The following LRRC41 variants were observed in gnomAD, a reference collection of about 807,000 sequenced individuals.
LRRC41 encodes leucine rich repeat containing 41, also known as leucine-rich repeat-containing protein 41.
In LRRC41, 17 loss-of-function variants were observed where a neutral mutation model predicts 72.1. The ratio of observed to expected loss-of-function variants is 0.24; its 90% confidence interval spans 0.16 to 0.35. LRRC41 has a LOEUF of 0.35. Ranked by LOEUF, LRRC41 falls within the 10% of genes least tolerant of loss-of-function variation. LRRC41 has a pLI of 1.00. For synonymous variants in LRRC41, 427 were observed against 431.0 expected, an observed-to-expected ratio of 0.99 and a Z score of 0.11; for missense variants, 759 against 1,065.0, an observed-to-expected ratio of 0.71 and a Z score of 4.00.
At chr1:46,294,139 A>C (rs1661073299) in intron 3 of LRRC41, among the ~76,000 whole-genome samples, 1 of 151,552 alleles carries the variant, frequency 6.6e-6, no homozygotes, top group Admixed American at 6.6e-5. Context: ...TTTTAAGACA[A>C]GTTCTGGCTC....
Position 46,281,169 on chromosome 1 carries a change from T to G in LRRC41, c.1712A>C (p.Asn571Thr). Residue 571 changes from asparagine to threonine, a missense_variant, in exon 5 of 10, where the codon AAT becomes ACT. Physicochemically the swap from Asn to Thr is moderately conservative, Grantham distance 65. This residue lies in a region of LRRC41 where 427 missense variants were observed against 520.9 expected (regional missense o/e 0.82). Transcript: ENST00000617190. ...SQRDNPGVPG[N>T]AGPPSHIIGD... ...TATTATGTGGCTAGGGGGCCCTGCA[T>G]TCCCTGGCACACCAGGGTTGTCCCG... is the stretch of plus-strand genomic sequence containing the variant. The G allele has an allele frequency of 1.1e-5, 18 of 1,614,136 alleles. No homozygotes were observed. The highest frequency in any genetic ancestry group is 1.5e-5 in the Non-Finnish European group (18 of 1,179,970).
chr1:46,301,938 C>G (rs543288534), intron 1 of LRRC41: 3 of 984,906 alleles, frequency 3.0e-6, no homozygotes, highest in Non-Finnish European at 3.6e-6. Context: ...CCCGAGGCCT[C>G]CCCTGTCCCC....
Position 46,299,247 on chromosome 1 carries a change from AG to A in LRRC41, c.200-878del, listed in dbSNP as rs1278962607. ...AATTATTTAAGCCTCTTTAAGCCTTAGTTTCTTCAACTGGAAAAAAATGGAG... is the reference window on the plus strand; with the variant it reads ...AATTATTTAAGCCTCTTTAAGCCTTATTTCTTCAACTGGAAAAAAATGGAG... On this transcript the variant is annotated intron_variant, in intron 1 of 9. Transcript: ENST00000617190. 5 of 152,484 alleles carry A rather than the reference AG, an allele frequency of 3.3e-5. No individual in the cohort carries two copies. In the East Asian group the frequency reaches 9.7e-4, roughly 29 times the overall value. The allele number at this position is 152,484 out of a possible 1,614,324, so 9.4% of individuals were successfully genotyped here.
At position 46,285,880 on chromosome 1, in the gene LRRC41, C is replaced by A; in HGVS notation, c.977G>T (p.Ser326Ile). 6.4e-7 allele frequency: 1 copy of A among 1,564,792 alleles called. No homozygotes were observed. The change falls in exon 4 of 10, where the codon AGC becomes ATC. Residue 326 changes from serine to isoleucine, a missense_variant. Physicochemically the swap from Ser to Ile is moderately radical, Grantham distance 142. Transcript: ENST00000617190. The surrounding 1 kb of genome is among the most constrained non-coding windows in gnomAD (Gnocchi z 5.3). ...GCCTGCTGTCAGGCTCTCCTGTGTG[C>A]TCCGGCGTGTTACCCGAGTGGCAGG... ...AAPATRVTRR[S>I]TQESLTAGGT...
At position 46,286,087 on chromosome 1, in the gene LRRC41, C is replaced by T. The variant is rs1191907196; in HGVS notation, c.770G>A (p.Gly257Glu). 3 of 1,611,548 alleles carry T rather than the reference C, an allele frequency of 1.9e-6. No homozygotes were observed. Among genetic ancestry groups the T allele is most frequent in the Non-Finnish European group, 2.5e-6 (3 of 1,177,852 alleles). Reference protein sequence around the residue: ...LTMSAGFWQPGPGGPPCRLCG... With the variant: ...LTMSAGFWQPEPGGPPCRLCG... The stretch of plus-strand genomic sequence containing the variant: ...GAGGCGGCAGGGTGGGCCACCAGGC[C>T]CTGGTTGCCAGAAGCCAGCACTCAT... Residue 257 changes from glycine to glutamate, a missense_variant, in exon 4 of 10, where the codon GGG (glycine) becomes GAG (glutamate). By Grantham distance (98) the Gly-to-Glu change is moderately conservative. Transcript: ENST00000617190. This position sits in a 1 kb window ranked among gnomAD's most constrained non-coding sequence, Gnocchi z 5.5.
intron 3 of LRRC41, among the ~76,000 whole-genome samples, chr1:46,290,919 T>TTTTTTTG (rs1660999416): frequency 9.7e-6 from 1 of 103,576 alleles, no homozygotes; most frequent in Non-Finnish European, 2.1e-5. Context: ...GTTTCTAGTT[T>TTTTTTTG]TTTTTTTTTT....
At chr1:46,292,110 T>TC (rs1426619297) in intron 3 of LRRC41, among the ~76,000 whole-genome samples, 1 of 151,652 alleles carries the variant, frequency 6.6e-6, no homozygotes, top group Non-Finnish European at 1.5e-5. Context: ...TGTCAGGAGT[T>TC]CGAGACCAGC....
At chr1:46,280,097 A>C in intron 7 of LRRC41, 95 bp downstream of exon 7, 1 of 945,918 alleles carries the variant, frequency 1.1e-6, no homozygotes. Flanking sequence ...CTGAGGACAC[A>C]AGGCCAAGAA....
chr1:46,302,810 TCGCGCGG>T lies in LRRC41; in HGVS notation c.199+307_199+313del. 13 of 984,642 alleles carry T rather than the reference TCGCGCGG, an allele frequency of 1.3e-5. No homozygotes were observed. The highest frequency in any genetic ancestry group is 1.6e-5 in the Non-Finnish European group (13 of 829,726). The allele number at this position is 984,642 out of a possible 1,614,324, so 61.0% of individuals were successfully genotyped here. On this transcript the variant is annotated intron_variant, in intron 1 of 9. Coordinates refer to ENST00000617190, the MANE Select transcript of LRRC41 (RefSeq NM_006369.5). The surrounding 1 kb of genome is among the most constrained non-coding windows in gnomAD (Gnocchi z 4.7). ...CTGCCCGGCCCAGCCGAGTGTCAGT[TCGCGCGG>T]CCCACAGCCGCAATCCAGCCTCAGT...
intron 2 of LRRC41, 103 bp from the exon 3 acceptor site, chr1:46,297,736 G>T (rs145093191): frequency 1.2e-6 from 1 of 803,200 alleles, no homozygotes; most frequent in African/African-American, 1.7e-5. Flanking sequence ...ATATGGCAGA[G>T]TGATTAAGGG....
chr1:46,301,859 G>C, intron 1 of LRRC41: 1 of 725,616 alleles, frequency 1.4e-6, no homozygotes, highest in Non-Finnish European at 1.7e-6. Flanking sequence ...GGCCGGGCCT[G>C]CCACCTCTTC....
chr1:46,301,025 A>AG lies in LRRC41; in HGVS notation c.199+2098dup, dbSNP rs1661210981. Among the ~76,000 whole-genome samples, 2 of 152,124 alleles carry AG rather than the reference A, an allele frequency of 1.3e-5. 1 individual carries two copies. Among genetic ancestry groups the AG allele is most frequent in the South Asian group, 4.1e-4 (2 of 4,832 alleles). ...GTACAGCAGTGGTAGGGGAGGGAGAAGGGGAAAGGGAGATTCAGTAAACTG... is the reference window on the plus strand; with the variant it reads ...GTACAGCAGTGGTAGGGGAGGGAGAAGGGGGAAAGGGAGATTCAGTAAACTG... On this transcript the variant is annotated intron_variant, in intron 1 of 9. Coordinates refer to ENST00000617190, the MANE Select transcript of LRRC41 (RefSeq NM_006369.5).
rs902532549 is a variant in LRRC41, at chr1:46,281,384, G to A, written c.1497C>T (p.Gly499=). 3.1e-6 allele frequency: 5 copies of A among 1,613,898 alleles called. No homozygotes were observed. The highest frequency in any genetic ancestry group is 1.7e-5 in the Admixed American group (1 of 60,006). ...GCAGGCGGAAGATGTTAGAGCCCAG[G>A]CCTATGGCAAGAAAGAGATTAAGTC... is the stretch of plus-strand genomic sequence containing the variant. ...SLESLTLSYN[G]LGSNIFRLLD... The change falls in exon 5 of 10, where the codon GGC becomes GGT. Residue 499 remains glycine, a splice_region_variant and synonymous_variant. Transcript: ENST00000617190.
Position 46,278,131 on chromosome 1 carries a change from A to G in LRRC41, c.*734T>C. 6.2e-7 allele frequency: 1 copy of G among 1,613,866 alleles called. No individual in the cohort carries two copies. The highest frequency in any genetic ancestry group is 8.5e-7 in the Non-Finnish European group (1 of 1,179,918). On this transcript the variant is annotated 3_prime_UTR_variant, in exon 10 of 10. Coordinates refer to ENST00000617190, the MANE Select transcript of LRRC41 (RefSeq NM_006369.5). ...ATCCGGCCACCCCCTGATGGTTCTGACTGCACTTCAGACCTGGCAGGGTGG... is the reference window on the plus strand; with the variant it reads ...ATCCGGCCACCCCCTGATGGTTCTGGCTGCACTTCAGACCTGGCAGGGTGG...
intron 3 of LRRC41, chr1:46,297,190 T>C (rs1309645132): frequency 5.5e-6 from 1 of 180,574 alleles, no homozygotes; most frequent in Non-Finnish European, 1.2e-5. Context: ...TCATACTCCT[T>C]TATCCCTCAT....
rs1660878888 is a variant in LRRC41, at chr1:46,286,019, C to T, written c.838G>A (p.Gly280Arg). Residue 280 changes from glycine (G) to arginine (R), a missense_variant, in exon 4 of 10, where the codon GGG (glycine) becomes AGG (arginine). Physicochemically the swap from Gly to Arg is moderately radical, Grantham distance 125 (BLOSUM62 -2). Transcript: ENST00000617190. The surrounding 1 kb of genome is among the most constrained non-coding windows in gnomAD (Gnocchi z 5.5). ...CGACGTGAGCCCAATAAGAGGGACC[C>T]TTCATCTCGGGATGGGGCCCGGCCT... ...SRGRAPSRDE[G>R]SLLLGSRRPR... is the part of the protein sequence containing the mutation. The T allele has an allele frequency of 1.3e-6, 2 of 1,576,268 alleles. No individual in the cohort carries two copies. Among genetic ancestry groups the T allele is most frequent in the Non-Finnish European group, 1.7e-6 (2 of 1,160,404 alleles).
chr1:46,302,099 C>T lies in LRRC41; in HGVS notation c.199+1025G>A, dbSNP rs1207793569. The T allele has an allele frequency of 1.0e-6, 1 of 985,268 alleles. No individual in the cohort carries two copies. The allele number at this position is 985,268 out of a possible 1,614,324, so 61.0% of individuals were successfully genotyped here. A position where few individuals can be genotyped will look rare whatever the true frequency, so the allele number is the denominator to read the frequency against. On this transcript the variant is annotated intron_variant, in intron 1 of 9. Transcript: ENST00000617190. The surrounding 1 kb of genome is among the most constrained non-coding windows in gnomAD (Gnocchi z 4.7). ...CCAGCCCAACTGGCCGGTTCGCCCT[C>T]CCCGGCCGTTCATCCCGGCGCCCCA...
Position 46,302,542 on chromosome 1 carries a change from C to G in LRRC41, c.199+582G>C, listed in dbSNP as rs1270310751. 1.0e-6 allele frequency: 1 copy of G among 984,848 alleles called. No homozygotes were observed. The highest frequency in any genetic ancestry group is 1.1e-4 in the East Asian group (1 of 8,748). 61.0% of individuals were successfully genotyped at this position (984,848 alleles called of 1,614,324 possible). ...CGGCGCCCCGACCCTTTCGTTCGGCCTCTCCCCCTGCCCCATTCCCTCGCT... is the reference window on the plus strand; with the variant it reads ...CGGCGCCCCGACCCTTTCGTTCGGCGTCTCCCCCTGCCCCATTCCCTCGCT... On this transcript the variant is annotated intron_variant, in intron 1 of 9. Transcript: ENST00000617190. The surrounding 1 kb of genome is among the most constrained non-coding windows in gnomAD (Gnocchi z 4.7).
rs142941730 is a variant in LRRC41 at position 46,285,765 on chromosome 1, G to A, written c.1092C>T (p.Thr364=). The change falls in exon 4 of 10, where the codon ACC becomes ACT. Residue 364 remains threonine, a synonymous_variant. Coordinates refer to ENST00000617190, the MANE Select transcript of LRRC41 (RefSeq NM_006369.5). The surrounding 1 kb of genome is among the most constrained non-coding windows in gnomAD (Gnocchi z 5.3). The stretch of plus-strand genomic sequence containing the variant: ...AGGATGTAGAAGAAGAGGCAGAGGA[G>A]GTGGCTGCTGGAGCAGAAGGTGACC... The part of the protein sequence containing the change: ...TKRSPSAPAA[T]SSASSSTSSY... 48 of 1,598,078 alleles carry A rather than the reference G, an allele frequency of 3.0e-5. No homozygotes were observed. In the African/African-American group the frequency reaches 5.8e-4, roughly 19 times the overall value.
Sources: allele counts gnomAD v4.1 joint callset (sites outside exome capture counted in the v4.1 genomes callset), GRCh38; gene constraint gnomAD v4.1.1; regional missense constraint gnomAD v4.1.1; non-coding constraint Gnocchi (gnomAD v3.1); transcripts MANE v1.5; gene names NCBI Gene and HGNC (gene_info 2026-07-23, HGNC 2026-07-21).